PLAGL1: variants seen among roughly 807,000 people sequenced by gnomAD.
The protein encoded by PLAGL1 is zinc finger protein PLAGL1.
PLAGL1 carries 1 observed loss-of-function variant against 4.6 expected under a neutral mutation model. The ratio of observed to expected loss-of-function variants is 0.22; its 90% CI spans 0.08 to 1.03. The LOEUF (loss-of-function observed/expected upper bound fraction) is 1.03, where lower values mean the gene tolerates loss of function less well. Ranked by LOEUF, PLAGL1 falls within the 50% of genes least tolerant of loss-of-function variation. The pLI, the probability that PLAGL1 is intolerant of heterozygous loss-of-function variation, is 0.58. For missense variants in PLAGL1, 464 were observed against 570.4 expected, an observed-to-expected ratio of 0.81 and a Z score of 1.90; for synonymous variants, 240 against 237.8, an observed-to-expected ratio of 1.01 and a Z score of -0.08.
chr6:144,006,881 GGA>G lies in PLAGL1; in HGVS notation c.-584+1207_-584+1208del, dbSNP rs1279120270. On this transcript the variant is annotated intron_variant, in intron 1 of 7. Coordinates refer to ENST00000674357, the MANE Select transcript of PLAGL1 (RefSeq NM_001317162.2). This position sits in a 1 kb window ranked among gnomAD's most constrained non-coding sequence, Gnocchi z 4.3. ...TGTGTATGTATGAAACTGAGGAGGG[GGA>G]GAGAGATTCATAAAGCGAACACCCC... is the stretch of plus-strand genomic sequence containing the variant. The G allele has an allele frequency of 6.6e-6, 1 of 152,092 alleles. No individual in the cohort carries two copies. The highest frequency in any genetic ancestry group is 1.5e-5 in the Non-Finnish European group (1 of 68,018). The allele number at this position is 152,092 out of a possible 1,614,324, so 9.4% of individuals were successfully genotyped here. A position where few individuals can be genotyped will look rare whatever the true frequency, so the allele number is the denominator to read the frequency against.
chr6:143,967,277 G>A (rs1266516002), intron 3 of PLAGL1: 3 of 152,166 alleles, frequency 2.0e-5, no homozygotes, highest in Admixed American at 6.5e-5. Flanking sequence ...GTACATGTAC[G>A]AAGTAGATGT....
In PLAGL1 at chr6:144,063,241, A is replaced by C. The variant is rs974268524; in HGVS notation, c.-151+1227T>G. 1.3e-5 allele frequency among the ~76,000 whole-genome samples: 2 copies of C among 151,908 alleles called. No homozygotes were observed. The highest frequency in any genetic ancestry group is 4.8e-5 in the African/African-American group (2 of 41,334). On this transcript the variant is annotated intron_variant, in intron 1 of 3. Coordinates refer to the PLAGL1 transcript ENST00000437412. This position sits in a 1 kb window ranked among gnomAD's most constrained non-coding sequence, Gnocchi z 5.7. ...CTCCCCTTTCCACACACTTCCATAC[A>C]CCCTATTTCACCTCTATTACAAGTT...
chr6:143,991,346 G>GA (rs1790433841), intron 1 of PLAGL1, among the ~76,000 whole-genome samples: 1 of 152,112 alleles, frequency 6.6e-6, no homozygotes, highest in South Asian at 2.1e-4. Flanking sequence ...ATATTTCCTG[G>GA]AAAACCATGT....
rs1792611687 is a variant in PLAGL1, at chr6:144,000,446, T to C, written c.-584+7644A>G. 6.6e-6 allele frequency among the ~76,000 whole-genome samples: 1 copy of C among 152,092 alleles called. No homozygotes were observed. Among genetic ancestry groups the C allele is most frequent in the Non-Finnish European group, 1.5e-5 (1 of 67,972 alleles). The stretch of plus-strand genomic sequence containing the variant: ...AAACTATTCACAGTAGCAACAAAAA[T>C]CATCAGGATCTAGAAATAAATGTAA... On this transcript the variant is annotated intron_variant, in intron 1 of 7. Transcript: ENST00000674357. The surrounding 1 kb of genome is among the most constrained non-coding windows in gnomAD (Gnocchi z 4.1).
In PLAGL1 at chr6:143,983,331, G is replaced by A. The variant is rs1283283844; in HGVS notation, c.-544+1804C>T. ...TGCCCAGACAGAACTGAGAAATTGT[G>A]TAAAAGGAAGCAGGGACATTAAATG... On this transcript the variant is annotated intron_variant, in intron 2 of 7. Coordinates refer to ENST00000674357, the MANE Select transcript of PLAGL1 (RefSeq NM_001317162.2). This position sits in a 1 kb window ranked among gnomAD's most constrained non-coding sequence, Gnocchi z 6.6. 6.6e-6 allele frequency among the ~76,000 whole-genome samples: 1 copy of A among 152,146 alleles called. No homozygotes were observed. The highest frequency in any genetic ancestry group is 1.9e-4 in the East Asian group (1 of 5,194).
At position 144,059,270 on chromosome 6, in the gene PLAGL1, G is replaced by A. The variant is rs1222769280; in HGVS notation, c.-151+5198C>T. ...TTGAACCAAGACTGGAACTGGAGCAGTGGAATGTGAGGAGCAGCTTCCCAG... is the reference window on the plus strand; with the variant it reads ...TTGAACCAAGACTGGAACTGGAGCAATGGAATGTGAGGAGCAGCTTCCCAG... On this transcript the variant is annotated intron_variant, in intron 1 of 3. Coordinates refer to the PLAGL1 transcript ENST00000437412. The surrounding 1 kb of genome is among the most constrained non-coding windows in gnomAD (Gnocchi z 4.9). 6.6e-6 allele frequency among the ~76,000 whole-genome samples: 1 copy of A among 152,250 alleles called. No homozygotes were observed. Among genetic ancestry groups the A allele is most frequent in the African/African-American group, 2.4e-5 (1 of 41,468 alleles).
intron 1 of PLAGL1, among the ~76,000 whole-genome samples, chr6:144,040,414 A>T (rs1343396443): frequency 6.6e-6 from 1 of 152,058 alleles, no homozygotes; most frequent in African/African-American, 2.4e-5. Flanking sequence ...TTGTAATCCC[A>T]GCTACTCAGG....
intron 1 of PLAGL1, among the ~76,000 whole-genome samples, chr6:144,042,972 G>C (rs1797853057): frequency 6.6e-6 from 1 of 152,116 alleles, no homozygotes; most frequent in Non-Finnish European, 1.5e-5. Flanking sequence ...TTGGCTCTCT[G>C]TTTGTCTGTT....
rs1293524905 is a variant in PLAGL1, at chr6:144,016,229, C to T, written c.-150-47251G>A. 6.6e-6 allele frequency among the ~76,000 whole-genome samples: 1 copy of T among 152,108 alleles called. No individual in the cohort carries two copies. The highest frequency in any genetic ancestry group is 1.5e-5 in the Non-Finnish European group (1 of 68,018). On this transcript the variant is annotated intron_variant, in intron 1 of 3. Coordinates refer to the PLAGL1 transcript ENST00000437412. The surrounding 1 kb of genome is among the most constrained non-coding windows in gnomAD (Gnocchi z 4.2). Reference sequence around the variant, plus strand: ...GGAGAAAGGAGAGCCAGTCCGAGTCCCAAAACTGAAGAACTTGGAGTCTGA... The same window carrying T: ...GGAGAAAGGAGAGCCAGTCCGAGTCTCAAAACTGAAGAACTTGGAGTCTGA...
At position 144,000,113 on chromosome 6, in the gene PLAGL1, A is replaced by C. The variant is rs568620269; in HGVS notation, c.-584+7977T>G. 6.6e-6 allele frequency among the ~76,000 whole-genome samples: 1 copy of C among 152,260 alleles called. No homozygotes were observed. The highest frequency in any genetic ancestry group is 1.9e-4 in the East Asian group (1 of 5,192). On this transcript the variant is annotated intron_variant, in intron 1 of 7. Coordinates refer to ENST00000674357, the MANE Select transcript of PLAGL1 (RefSeq NM_001317162.2). The surrounding 1 kb of genome is among the most constrained non-coding windows in gnomAD (Gnocchi z 4.1). ...AATCCAATACAATTCATGATATAAA[A>C]CTCTTAGAGAACTAGAAGAAGAGAA...
At position 143,997,451 on chromosome 6, in the gene PLAGL1, A is replaced by C. The variant is rs947872192; in HGVS notation, c.-584+10639T>G. Reference sequence around the variant, plus strand: ...CCTACTCAGAAAAAATACAAAAAGAACTACCTATTGATAGATGCATCAACA... The same window carrying C: ...CCTACTCAGAAAAAATACAAAAAGACCTACCTATTGATAGATGCATCAACA... On this transcript the variant is annotated intron_variant, in intron 1 of 7. Transcript: ENST00000674357. The surrounding 1 kb of genome is among the most constrained non-coding windows in gnomAD (Gnocchi z 4.6). 1.3e-5 allele frequency among the ~76,000 whole-genome samples: 2 copies of C among 152,206 alleles called. No homozygotes were observed. Among genetic ancestry groups the C allele is most frequent in the African/African-American group, 4.8e-5 (2 of 41,438 alleles).
chr6:143,992,903 G>A (rs529325980), intron 1 of PLAGL1, among the ~76,000 whole-genome samples: 1 of 152,090 alleles, frequency 6.6e-6, no homozygotes, highest in Admixed American at 6.5e-5. Flanking sequence ...ACTTGAACCT[G>A]GGAGGTGGAG....
rs1785880213 is a variant in PLAGL1 at position 143,973,750 on chromosome 6, G to A, written c.-543-4772C>T. Reference sequence around the variant, plus strand: ...TTCACTGCTGTGCTAAAGCCAGTCGGCTACACCCAATAAGCTACTACAACG... The same window carrying A: ...TTCACTGCTGTGCTAAAGCCAGTCGACTACACCCAATAAGCTACTACAACG... On this transcript the variant is annotated intron_variant, in intron 2 of 7. Coordinates refer to ENST00000674357, the MANE Select transcript of PLAGL1 (RefSeq NM_001317162.2). The surrounding 1 kb of genome is among the most constrained non-coding windows in gnomAD (Gnocchi z 6.2). Among the ~76,000 whole-genome samples the A allele has an allele frequency of 6.6e-6, 1 of 152,194 alleles. No individual in the cohort carries two copies. The highest frequency in any genetic ancestry group is 2.4e-5 in the African/African-American group (1 of 41,454).
chr6:144,054,941 G>A (rs889055302), intron 1 of PLAGL1, among the ~76,000 whole-genome samples: 1 of 152,062 alleles, frequency 6.6e-6, no homozygotes, highest in South Asian at 2.1e-4. Flanking sequence ...GAAATTTAAT[G>A]CCATTTTATT....
At chr6:144,037,389 A>G (rs6570600) in intron 1 of PLAGL1, 120,175 of 145,430 alleles carry the variant, frequency 0.83, 49,812 homozygotes, top group Non-Finnish European at 0.86. Context: ...ACCAGCCTGG[A>G]CAACACGGTG....
At chr6:144,019,613 C>T (rs927318176) in intron 1 of PLAGL1, among the ~76,000 whole-genome samples, 10 of 152,028 alleles carry the variant, frequency 6.6e-5, no homozygotes, top group Middle Eastern at 3.4e-3. Context: ...GTCATTGTTC[C>T]TAGGAGACAA....
chr6:144,010,796 C>T (rs1327995060), upstream of PLAGL1, among the ~76,000 whole-genome samples: 3 of 152,108 alleles, frequency 2.0e-5, no homozygotes, highest in Non-Finnish European at 4.4e-5. The surrounding 1 kb of genome is among the most constrained non-coding windows in gnomAD (Gnocchi z 4.1). Flanking sequence ...TCAGAAATAA[C>T]ACCACACATC....
At chr6:143,946,705 A>G (rs1779873509) in intron 7 of PLAGL1, among the ~76,000 whole-genome samples, 1 of 152,216 alleles carries the variant, frequency 6.6e-6, no homozygotes, top group Admixed American at 6.5e-5. Context: ...CTATGGTAAT[A>G]CCAGTCAGAT....
At chr6:144,031,341 C>A (rs111383800) in intron 1 of PLAGL1, among the ~76,000 whole-genome samples, 25 of 152,252 alleles carry the variant, frequency 1.6e-4, no homozygotes, top group African/African-American at 5.1e-4. Context: ...TATGTGGAAG[C>A]TTTTTAGTTT....
Sources: gnomAD v4.1 joint callset for allele counts (sites outside exome capture counted in the v4.1 genomes callset) on GRCh38, gnomAD v4.1.1 for gene constraint, Gnocchi (gnomAD v3.1) non-coding constraint, MANE v1.5 for transcripts, NCBI Gene and HGNC (gene_info 2026-07-23, HGNC 2026-07-21) for gene names.